The following CDH8 variants were observed in gnomAD, a reference collection of about 807,000 sequenced individuals.
The protein encoded by CDH8 is cadherin 8, also known as cadherin-8.
In CDH8, 17 loss-of-function variants were observed where a neutral mutation model predicts 68.1. The observed-to-expected ratio is 0.25, with a 90% CI of 0.17 to 0.37. CDH8 has a LOEUF of 0.37. CDH8 is among the 10% of genes least tolerant of loss of function. The pLI, the probability that CDH8 is intolerant of heterozygous loss-of-function variation, is 1.00. For missense variants in CDH8, 763 were observed against 999.3 expected (o/e 0.76, Z 3.19); for synonymous variants, 372 against 365.1 (o/e 1.02, Z -0.21).
intron 3 of CDH8, among the ~76,000 whole-genome samples, chr16:61,864,455 C>T (rs991929777): frequency 6.6e-6 from 1 of 152,120 alleles, no homozygotes; most frequent in Non-Finnish European, 1.5e-5. Flanking sequence ...GTATGCAGCC[C>T]ATGCATTCAT....
At chr16:61,957,964 G>A (rs554819500) in intron 2 of CDH8, among the ~76,000 whole-genome samples, 86 of 152,242 alleles carry the variant, frequency 5.6e-4, no homozygotes, top group African/African-American at 2.0e-3. Flanking sequence ...TCTATTAGAT[G>A]GGTAATTCTA....
intron 8 of CDH8, among the ~76,000 whole-genome samples, chr16:61,755,897 T>G (rs1014636149): frequency 6.6e-6 from 1 of 152,058 alleles, no homozygotes; most frequent in African/African-American, 2.4e-5. Flanking sequence ...CTAAGCTCAC[T>G]ACAACCTCTG....
At chr16:62,031,541 G>A (rs369534544) in intron 1 of CDH8, among the ~76,000 whole-genome samples, 1 of 152,232 alleles carries the variant, frequency 6.6e-6, no homozygotes, top group African/African-American at 2.4e-5. Flanking sequence ...GTCTTTGGCA[G>A]TGGAGGCAGA....
intron 2 of CDH8, among the ~76,000 whole-genome samples, chr16:61,971,804 C>T (rs994307210): frequency 2.6e-5 from 4 of 152,042 alleles, no homozygotes; most frequent in Non-Finnish European, 2.9e-5. Context: ...TACAAAAAGA[C>T]GTCACTTTGG....
chr16:61,858,996 C>A (rs1963101728), intron 3 of CDH8, among the ~76,000 whole-genome samples: 1 of 152,034 alleles, frequency 6.6e-6, no homozygotes, highest in South Asian at 2.1e-4. Context: ...TAGGGTAGAA[C>A]TTTAGCAAGA....
intron 7 of CDH8, 21 bp from the exon 8 acceptor site, chr16:61,789,503 T>A: frequency 6.2e-7 from 1 of 1,610,000 alleles, no homozygotes; most frequent in Non-Finnish European, 8.5e-7. Flanking sequence ...GACACATCTG[T>A]AATCTACTTC....
chr16:61,703,427 A>T (rs913347892), intron 10 of CDH8, among the ~76,000 whole-genome samples: 7 of 152,170 alleles, frequency 4.6e-5, no homozygotes, highest in Admixed American at 1.3e-4. Flanking sequence ...TCTTTGTACA[A>T]CTTTAGCTTA....
Position 61,855,474 on chromosome 16 carries a change from T to A in CDH8, c.667+1645A>T, listed in dbSNP as rs144753972. Among the ~76,000 whole-genome samples the A allele has an allele frequency of 8.5e-4, 129 of 152,288 alleles. 1 individual carries two copies. The highest frequency in any genetic ancestry group is 3.0e-3 in the African/African-American group (124 of 41,570). On this transcript the variant is annotated intron_variant, in intron 4 of 11. Coordinates refer to ENST00000577390, the MANE Select transcript of CDH8 (RefSeq NM_001796.5). ...TCTTTTGAAATGGATTATGAGATAC[T>A]TGTAGACTGAGATTAGCCTTTGTGA...
At position 61,921,408 on chromosome 16, in the gene CDH8, ATATTT is replaced by A. The variant is rs1316149342; in HGVS notation, c.253-19940_253-19936del. 1.6e-4 allele frequency among the ~76,000 whole-genome samples: 25 copies of A among 152,270 alleles called. 1 individual carries two copies. The East Asian group carries it at 4.6e-3, about 28-fold the overall frequency. On this transcript the variant is annotated intron_variant, in intron 2 of 11. Transcript: ENST00000577390. ...CTATTCTGACTTCTGTATTTAGCAG[ATATTT>A]TATCCAAAATAAATACAACTAGCTT...
intron 1 of CDH8, among the ~76,000 whole-genome samples, chr16:62,023,850 A>G (rs1459754038): frequency 6.6e-6 from 1 of 152,186 alleles, no homozygotes; most frequent in Non-Finnish European, 1.5e-5. Flanking sequence ...ACTCCATGAT[A>G]GACCATACTT....
At chr16:61,955,872 G>A (rs1397091022) in intron 2 of CDH8, among the ~76,000 whole-genome samples, 1 of 152,100 alleles carries the variant, frequency 6.6e-6, no homozygotes, top group Non-Finnish European at 1.5e-5. Flanking sequence ...ATCAGTAAGT[G>A]CCCCCAAATA....
chr16:61,773,539 G>T (rs1350185425), intron 8 of CDH8, among the ~76,000 whole-genome samples: 1 of 151,918 alleles, frequency 6.6e-6, no homozygotes, highest in African/African-American at 2.4e-5. Context: ...TATGTTTTTG[G>T]CAAGAATTGC....
intron 10 of CDH8, chr16:61,667,626 GC>G: frequency 6.6e-6 from 1 of 152,076 alleles, no homozygotes; most frequent in African/African-American, 2.4e-5. Flanking sequence ...GGAGAGCATG[GC>G]CCTGCCCACA....
At chr16:61,961,556 G>A (rs910477302) in intron 2 of CDH8, among the ~76,000 whole-genome samples, 3 of 152,070 alleles carry the variant, frequency 2.0e-5, no homozygotes, top group African/African-American at 7.2e-5. Flanking sequence ...GAGCTTCATA[G>A]GCTTTCATTC....
chr16:61,821,371 T>G (rs558663177), intron 5 of CDH8, among the ~76,000 whole-genome samples: 2 of 152,162 alleles, frequency 1.3e-5, no homozygotes, highest in East Asian at 3.9e-4. Context: ...CTCAACCATA[T>G]GTTTACCAAG....
intron 8 of CDH8, among the ~76,000 whole-genome samples, chr16:61,755,783 C>CCTT (rs747939876): frequency 4.0e-5 from 6 of 151,452 alleles, no homozygotes; most frequent in Non-Finnish European, 7.4e-5. Flanking sequence ...TTCTCCTTCT[C>CCTT]CTTCTCCGCC....
At chr16:61,831,894 G>A (rs1962461721) in intron 4 of CDH8, among the ~76,000 whole-genome samples, 1 of 151,676 alleles carries the variant, frequency 6.6e-6, no homozygotes, top group South Asian at 2.1e-4. Context: ...CACTAGCTTT[G>A]TTATCCCCAA....
intron 2 of CDH8, among the ~76,000 whole-genome samples, chr16:61,978,457 A>C (rs1965477459): frequency 6.6e-6 from 1 of 152,212 alleles, no homozygotes; most frequent in Admixed American, 6.5e-5. Flanking sequence ...TCCAAATAAA[A>C]TGCTTGATGT....
At position 61,957,986 on chromosome 16, in the gene CDH8, G is replaced by A. The variant is rs1376322555; in HGVS notation, c.253-56513C>T. Among the ~76,000 whole-genome samples the A allele has an allele frequency of 7.2e-5, 11 of 152,258 alleles. No homozygotes were observed. In the East Asian group the frequency reaches 2.1e-3, roughly 29 times the overall value. The stretch of plus-strand genomic sequence containing the variant: ...GATGGGTAATTCTACTTGGGTAATT[G>A]ATAGTTAACATACGCTGCAATATAA... On this transcript the variant is annotated intron_variant, in intron 2 of 11. Transcript: ENST00000577390.
Sources: gnomAD v4.1 joint callset for allele counts (sites outside exome capture counted in the v4.1 genomes callset) on GRCh38, gnomAD v4.1.1 for gene constraint, MANE v1.5 for transcripts, NCBI Gene and HGNC (gene_info 2026-07-23, HGNC 2026-07-21) for gene names.